Variants in BRAT1 observed in about 807,000 individuals in gnomAD.
BRAT1 encodes BRCA1 associated ATM activator 1.
A neutral mutation model predicts 70.6 loss-of-function variants in BRAT1; 74 were observed. The ratio of observed to expected loss-of-function variants is 1.05; its 90% CI spans 0.87 to 1.27. The LOEUF (loss-of-function observed/expected upper bound fraction) is 1.27, where lower values mean the gene tolerates loss of function less well. Ranked by LOEUF, BRAT1 falls within the 50% of genes most tolerant of loss-of-function variation. The pLI, the probability that BRAT1 is intolerant of heterozygous loss-of-function variation, is 0.00. For synonymous variants in BRAT1, 615 were observed against 517.1 expected (o/e 1.19, Z -2.57); for missense variants, 1,203 against 1,098.2 (o/e 1.10, Z -1.35).
rs1266690188 is a variant in BRAT1 at position 2,543,806 on chromosome 7, T to C, written c.587A>G (p.Gln196Arg). The C allele has an allele frequency of 2.5e-6, 4 of 1,612,744 alleles. No individual in the cohort carries two copies. Among genetic ancestry groups the C allele is most frequent in the Non-Finnish European group, 3.4e-6 (4 of 1,179,832 alleles). Residue 196 changes from glutamine (Q) to arginine (R), a missense_variant, in exon 5 of 14, where the codon CAG becomes CGG. By Grantham distance (43) the Gln-to-Arg change is conservative (BLOSUM62 1). Coordinates refer to ENST00000340611, the MANE Select transcript of BRAT1 (RefSeq NM_152743.4). This position sits in a 1 kb window ranked among gnomAD's most constrained non-coding sequence, Gnocchi z 5.5. ...CTCTTCAACGTGATCCATGATCTTC[T>C]GGGCACACGCGGGCCAGTCACCCCC... ...LPGGDWPACAQKIMDHVEESL... is the reference protein window; with the variant it reads ...LPGGDWPACARKIMDHVEESL...
rs183545975 is a variant in BRAT1, at chr7:2,544,915, C to T, written c.424G>A (p.Asp142Asn). 296 of 1,550,110 alleles carry T rather than the reference C, an allele frequency of 1.9e-4. No individual in the cohort carries two copies. The highest frequency in any genetic ancestry group is 2.2e-4 in the Non-Finnish European group (253 of 1,147,048). ...GGGGTGTGGGCGCACTCACCATGGT[C>T]GGCCAGGAAGCGCAGGGCGCTGGGG... ...QHPSALRFLA[D>N]HGAVDTIFSL... Residue 142 changes from aspartate (D) to asparagine (N), a missense_variant, in exon 4 of 14, where the codon GAC becomes AAC. Physicochemically the swap from Asp to Asn is conservative, Grantham distance 23. Coordinates refer to ENST00000340611, the MANE Select transcript of BRAT1 (RefSeq NM_152743.4).
chr7:2,539,734 C>A, intron 11 of BRAT1, 52 bp downstream of exon 11: 2 of 1,561,442 alleles, frequency 1.3e-6, no homozygotes, highest in South Asian at 2.3e-5. Context: ...GCCCCTGCTG[C>A]CTCCACCCCT....
At chr7:2,547,726 G>GAC (rs1377093946) in intron 2 of BRAT1, among the ~76,000 whole-genome samples, 1 of 152,178 alleles carries the variant, frequency 6.6e-6, no homozygotes. Context: ...CACAACAGGT[G>GAC]AATGGCCAAA....
At chr7:2,547,569 C>G (rs1399629547) in intron 2 of BRAT1, 91 bp from the exon 3 acceptor site, 2 of 1,421,466 alleles carry the variant, frequency 1.4e-6, no homozygotes, top group African/African-American at 1.4e-5. Context: ...TTCCCAGACC[C>G]TTTTCTTGCA....
chr7:2,538,526 CGCG>C lies in BRAT1; in HGVS notation c.2006_2008del (p.Pro669del), dbSNP rs761439588. 1 of 1,606,362 alleles carries C rather than the reference CGCG, an allele frequency of 6.2e-7. No homozygotes were observed. Among genetic ancestry groups the C allele is most frequent in the Non-Finnish European group, 8.5e-7 (1 of 1,178,880 alleles). Reference sequence around the variant, plus strand: ...GGCCACGGCATAGGGGCAGTGGGTACGCGGCGGCCCCAAAGTCTGGCCCAGGAA... The same window carrying C: ...GGCCACGGCATAGGGGCAGTGGGTACGCGGCCCCAAAGTCTGGCCCAGGAA... On this transcript the variant is annotated inframe_deletion, in exon 14 of 14. Coordinates refer to ENST00000340611, the MANE Select transcript of BRAT1 (RefSeq NM_152743.4).
chr7:2,542,670 C>A lies in BRAT1; in HGVS notation c.924-459G>T, dbSNP rs548244097. On this transcript the variant is annotated intron_variant, in intron 6 of 13. Coordinates refer to ENST00000340611, the MANE Select transcript of BRAT1 (RefSeq NM_152743.4). ...TACTCTCTCCTAAACATTCGGAGAC[C>A]CCGGAGCTCAGAGCTGGACCCTCAT... 7.8e-5 allele frequency: 15 copies of A among 193,408 alleles called. No individual in the cohort carries two copies. The South Asian group carries it at 1.2e-3, about 16-fold the overall frequency. 12.0% of individuals were successfully genotyped at this position (193,408 alleles called of 1,614,324 possible).
At position 2,542,219 on chromosome 7, in the gene BRAT1, C is replaced by G. The variant is rs370529174; in HGVS notation, c.924-8G>C. 5.1e-6 allele frequency: 8 copies of G among 1,555,278 alleles called. No individual in the cohort carries two copies. In the African/African-American group the frequency reaches 9.5e-5, roughly 19 times the overall value. On this transcript the variant is annotated splice_polypyrimidine_tract_variant and splice_region_variant and intron_variant, in intron 6 of 13. Coordinates refer to ENST00000340611, the MANE Select transcript of BRAT1 (RefSeq NM_152743.4). ...GTCCTCAGTGCCTGTGGACTGGAGA[C>G]AAACGCGAGGTGAGTGCCGCGACCC... is the stretch of plus-strand genomic sequence containing the variant.
At chr7:2,541,566 G>A (rs539567045) in intron 8 of BRAT1, 82 bp from the exon 9 acceptor site, 568 of 1,472,402 alleles carry the variant, frequency 3.9e-4, no homozygotes, top group Non-Finnish European at 4.6e-4. Flanking sequence ...CGAGGCATGT[G>A]GGGCGGGGGA....
At chr7:2,542,783 G>A (rs905885234) in intron 6 of BRAT1, 7 of 170,296 alleles carry the variant, frequency 4.1e-5, no homozygotes, top group Admixed American at 1.2e-4. Context: ...GGCCATCCAC[G>A]GCCTTCCCAC....
chr7:2,540,789 C>G, intron 10 of BRAT1, 190 bp downstream of exon 10: 1 of 539,234 alleles, frequency 1.9e-6, no homozygotes, highest in East Asian at 3.5e-5. Flanking sequence ...GCTGATGTAT[C>G]TTCACCAACA....
chr7:2,537,876 AT>A lies in BRAT1; in HGVS notation c.*192del. ...TTAAAGAAAGACTTCAATGCCATTT[AT>A]TTTGAGTAGAAATAAGTCATTTCTT... On this transcript the variant is annotated 3_prime_UTR_variant, in exon 14 of 14. Coordinates refer to ENST00000340611, the MANE Select transcript of BRAT1 (RefSeq NM_152743.4). 2.1e-6 allele frequency: 2 copies of A among 936,918 alleles called. No homozygotes were observed. The highest frequency in any genetic ancestry group is 2.9e-6 in the Non-Finnish European group (2 of 689,324). The allele number at this position is 936,918 out of a possible 1,614,324, so 58.0% of individuals were successfully genotyped here.
At position 2,538,045 on chromosome 7, in the gene BRAT1, C is replaced by G. The variant is rs528088936; in HGVS notation, c.*24G>C. The G allele has an allele frequency of 6.6e-7, 1 of 1,523,968 alleles. No homozygotes were observed. The highest frequency in any genetic ancestry group is 2.0e-5 in the Admixed American group (1 of 48,816). The allele number at this position is 1,523,968 out of a possible 1,614,324, so 94.4% of individuals were successfully genotyped here. A position where few individuals can be genotyped will look rare whatever the true frequency, so the allele number is the denominator to read the frequency against. On this transcript the variant is annotated 3_prime_UTR_variant, in exon 14 of 14. Coordinates refer to ENST00000340611, the MANE Select transcript of BRAT1 (RefSeq NM_152743.4). ...GGTGCTGCCTCCCTTGGTCCTGAGC[C>G]CCAGTGGCAGACTCTGGTTCTGCTC... is the stretch of plus-strand genomic sequence containing the variant.
intron 10 of BRAT1, 79 bp from the exon 11 acceptor site, chr7:2,539,967 G>T: frequency 2.9e-6 from 3 of 1,033,670 alleles, no homozygotes; most frequent in Non-Finnish European, 4.1e-6. Flanking sequence ...GCCTTCACCT[G>T]TGCTGCCCGT....
chr7:2,546,258 T>C (rs939182392), intron 3 of BRAT1, among the ~76,000 whole-genome samples: 4 of 150,838 alleles, frequency 2.7e-5, no homozygotes, highest in East Asian at 3.9e-4. Flanking sequence ...CTGGGCAACA[T>C]AGTGAGACCC....
intron 2 of BRAT1, among the ~76,000 whole-genome samples, chr7:2,553,146 C>T (rs1780163583): frequency 6.6e-6 from 1 of 152,144 alleles, no homozygotes; most frequent in Non-Finnish European, 1.5e-5. Context: ...GATCCTCCCC[C>T]TCAGTCTCCC....
chr7:2,546,333 G>A (rs904740940), intron 3 of BRAT1, among the ~76,000 whole-genome samples: 6 of 152,086 alleles, frequency 3.9e-5, no homozygotes, highest in African/African-American at 1.2e-4. Flanking sequence ...CCAGCTACTC[G>A]GGAAGCTGAA....
At chr7:2,545,846 G>A (rs1466002164) in intron 3 of BRAT1, among the ~76,000 whole-genome samples, 6 of 152,172 alleles carry the variant, frequency 3.9e-5, no homozygotes, top group South Asian at 2.1e-4. Flanking sequence ...TTCACTGTAC[G>A]GCAGCACCCT....
intron 9 of BRAT1, 54 bp from the exon 10 acceptor site, chr7:2,541,106 C>A: frequency 4.7e-6 from 7 of 1,490,862 alleles, no homozygotes; most frequent in Non-Finnish European, 5.3e-6. Context: ...AGGACCCTCC[C>A]CATCAACTCT....
At position 2,538,313 on chromosome 7, in the gene BRAT1, C is replaced by T. The variant is rs770266976; in HGVS notation, c.2222G>A (p.Gly741Asp). 3.7e-6 allele frequency: 6 copies of T among 1,612,800 alleles called. No homozygotes were observed. Among genetic ancestry groups the T allele is most frequent in the South Asian group, 1.1e-5 (1 of 91,092 alleles). ...CTCTGCGGAGGCAGTGTTGGGGCTG[C>T]CCCTGGCCTCCCGCAGGCTGCTGTA... ...ASYSSLREAR[G>D]SPNTASAEAT... Residue 741 changes from glycine to aspartate, a missense_variant, in exon 14 of 14, where the codon GGC (glycine) becomes GAC (aspartate). Coordinates refer to ENST00000340611, the MANE Select transcript of BRAT1 (RefSeq NM_152743.4).
Sources: allele counts gnomAD v4.1 joint callset (sites outside exome capture counted in the v4.1 genomes callset), GRCh38; gene constraint gnomAD v4.1.1; non-coding constraint Gnocchi (gnomAD v3.1); transcripts MANE v1.5; gene names NCBI Gene and HGNC (gene_info 2026-07-23, HGNC 2026-07-21).